Variants in GEMIN8 observed in about 807,000 individuals in gnomAD.
The protein encoded by GEMIN8 is gem-associated protein 8.
For synonymous variants in GEMIN8, 80 were observed against 78.5 expected (o/e 1.02, Z -0.10); for missense variants, 185 against 205.9 (o/e 0.90, Z 0.62).
chrX:13,991,037 T>A, the GEMIN8 span, among the ~76,000 whole-genome samples: 4 of 112,946 alleles, frequency 3.5e-5, no homozygotes, highest in Non-Finnish European at 7.5e-5. Context: ...TGGCCTGCAC[T>A]TTGCTTTTTG....
chrX:14,016,100 G>T (rs777532106), intron 4 of GEMIN8, among the ~76,000 whole-genome samples: 63 of 111,953 alleles, frequency 5.6e-4, no homozygotes, highest in Non-Finnish European at 1.1e-3. Context: ...CCTGGCAGCT[G>T]CTTCTAATAT....
chrX:14,001,758 G>C (rs1446412456), downstream of GEMIN8, among the ~76,000 whole-genome samples: 3 of 110,460 alleles, frequency 2.7e-5, no homozygotes, highest in African/African-American at 9.8e-5. Context: ...TGATCTGCTC[G>C]CCTCGGCCTC....
At chrX:14,001,148 T>C in the GEMIN8 span, among the ~76,000 whole-genome samples, 10 of 112,175 alleles carry the variant, frequency 8.9e-5, no homozygotes, top group Admixed American at 5.7e-4. Context: ...CATCTCCACG[T>C]GTCCATCACT....
chrX:14,009,254 GC>G, intron 4 of GEMIN8, 85 bp from the exon 5 acceptor site: 7 of 971,711 alleles, frequency 7.2e-6, no homozygotes, highest in South Asian at 2.2e-5. Flanking sequence ...GCTGCTGCTG[GC>G]CATGCCATCT....
In GEMIN8 at chrX:14,020,346, A is replaced by G. The variant is rs367998555; in HGVS notation, c.204T>C (p.Asn68=). The change falls in exon 4 of 5, where the codon AAT becomes AAC. Residue 68 remains asparagine, a synonymous_variant. Transcript: ENST00000680255. ...AGAAGGACTGAGGATACGCAGCCTCATTATCGTAAGAGCTTTGGGGAAGAA... is the reference window on the plus strand; with the variant it reads ...AGAAGGACTGAGGATACGCAGCCTCGTTATCGTAAGAGCTTTGGGGAAGAA... ...SALLPQSSYD[N]EAAYPQSFYD... 2 of 1,209,209 alleles carry G rather than the reference A, an allele frequency of 1.7e-6. No homozygotes were observed. The highest frequency in any genetic ancestry group is 2.2e-6 in the Non-Finnish European group (2 of 894,210).
At chrX:14,009,279 G>A in intron 4 of GEMIN8, 110 bp from the exon 5 acceptor site, 4 of 763,764 alleles carry the variant, frequency 5.2e-6, no homozygotes, top group Non-Finnish European at 7.6e-6. Flanking sequence ...GCCCCCTAAG[G>A]TCCCTCATCT....
chrX:14,024,896 T>C (rs1417234793), intron 2 of GEMIN8, among the ~76,000 whole-genome samples: 1 of 112,058 alleles, frequency 8.9e-6, no homozygotes, highest in Admixed American at 9.4e-5. Flanking sequence ...CCTCACAGTT[T>C]TGACCACTGG....
chrX:14,021,139 G>A (rs1040100349), intron 3 of GEMIN8, among the ~76,000 whole-genome samples: 4 of 106,355 alleles, frequency 3.8e-5, no homozygotes, highest in Non-Finnish European at 7.7e-5. Context: ...GCAAACTATC[G>A]CAAGGACAAA....
chrX:13,996,865 G>C, the GEMIN8 span, among the ~76,000 whole-genome samples: 1 of 110,278 alleles, frequency 9.1e-6, no homozygotes, highest in Non-Finnish European at 1.9e-5. Context: ...GATCTGCTTT[G>C]GGCAATGGGA....
the GEMIN8 span, among the ~76,000 whole-genome samples, chrX:13,993,461 T>G: frequency 1.1e-5 from 1 of 94,260 alleles, no homozygotes. Context: ...TTTTTTTTTT[T>G]AAAGAGACAG....
At chrX:13,994,871 T>C in the GEMIN8 span, among the ~76,000 whole-genome samples, 1 of 112,404 alleles carries the variant, frequency 8.9e-6, no homozygotes, top group Non-Finnish European at 1.9e-5. Flanking sequence ...CAGGGTTCTC[T>C]AGAGGGACAG....
chrX:13,993,441 C>CTT, the GEMIN8 span, among the ~76,000 whole-genome samples: 21 of 90,612 alleles, frequency 2.3e-4, no homozygotes, highest in African/African-American at 5.3e-4. Flanking sequence ...GTTGTGTATA[C>CTT]TTTTTTTTTT....
Position 14,008,413 on chromosome X carries a change from T to A in GEMIN8, c.*500A>T, listed in dbSNP as rs918960063. The A allele has an allele frequency of 1.7e-5, 2 of 116,295 alleles. No homozygotes were observed. Among genetic ancestry groups the A allele is most frequent in the African/African-American group, 6.5e-5 (2 of 30,800 alleles). The allele number at this position is 116,295 out of a possible 1,213,427, so 9.6% of individuals were successfully genotyped here. On this transcript the variant is annotated 3_prime_UTR_variant, in exon 5 of 5. Transcript: ENST00000680255. ...ACCGTGTGGCTTGCAGTGCCAAAGA[T>A]ATTCACTCTCTGGCCCTTTATAGAA...
At chrX:14,018,207 T>G (rs1924061178) in intron 4 of GEMIN8, among the ~76,000 whole-genome samples, 1 of 112,325 alleles carries the variant, frequency 8.9e-6, no homozygotes, top group Admixed American at 9.4e-5. Flanking sequence ...CTACCTAGAG[T>G]TCTACCTAAC....
chrX:14,023,381 C>CT (rs1569369860), intron 2 of GEMIN8, among the ~76,000 whole-genome samples: 8 of 108,377 alleles, frequency 7.4e-5, no homozygotes, highest in African/African-American at 2.4e-4. Context: ...GTTTTATATT[C>CT]CTTTTTTTTT....
chrX:14,024,264 C>T (rs1035643165), intron 2 of GEMIN8, among the ~76,000 whole-genome samples: 1 of 111,742 alleles, frequency 8.9e-6, no homozygotes, highest in Admixed American at 9.4e-5. Context: ...TTTGGGAGGC[C>T]GAGGTGGGTG....
At chrX:14,029,681 G>A (rs1039697600) in intron 1 of GEMIN8, 96 bp downstream of exon 1, 1 of 112,762 alleles carries the variant, frequency 8.9e-6, no homozygotes, top group Non-Finnish European at 1.9e-5. Context: ...TGACGTCCAA[G>A]ACCTCGGCTC....
the GEMIN8 span, among the ~76,000 whole-genome samples, chrX:13,997,111 T>G: frequency 9.1e-6 from 1 of 109,607 alleles, no homozygotes; most frequent in African/African-American, 3.3e-5. Context: ...CCAGCTAATT[T>G]TTGCATTTTT....
At chrX:14,027,582 T>C (rs1924761743) in intron 1 of GEMIN8, among the ~76,000 whole-genome samples, 1 of 112,772 alleles carries the variant, frequency 8.9e-6, no homozygotes, top group African/African-American at 3.2e-5. Context: ...TACCCTCTTC[T>C]GGATGTTGTA....
Sources: gnomAD v4.1 joint callset for allele counts (sites outside exome capture counted in the v4.1 genomes callset) on GRCh38, gnomAD v4.1.1 for gene constraint, MANE v1.5 for transcripts, NCBI Gene and HGNC (gene_info 2026-07-23, HGNC 2026-07-21) for gene names.